FLNB: variants seen among roughly 807,000 people sequenced by gnomAD.
FLNB encodes the protein filamin B, also known as filamin-B.
FLNB carries 111 observed loss-of-function variants against 250.6 expected under a neutral mutation model. The ratio of observed to expected loss-of-function variants is 0.44; its 90% CI spans 0.38 to 0.52. The LOEUF (loss-of-function observed/expected upper bound fraction) is 0.52, where lower values mean the gene tolerates loss of function less well. Among genes scored for constraint, FLNB ranks in the 20% least tolerant of loss-of-function variants. FLNB has a pLI of 0.00. For synonymous variants in FLNB, 1,302 were observed against 1,372.1 expected, an observed-to-expected ratio of 0.95 and a Z score of 1.13; for missense variants, 2,869 against 3,447.8, an observed-to-expected ratio of 0.83 and a Z score of 4.20.
chr3:58,056,357 TC>T (rs11294183), intron 1 of FLNB, among the ~76,000 whole-genome samples: 5,058 of 152,022 alleles, frequency 0.033, 274 homozygotes, highest in African/African-American at 0.12. Context: ...TACCTCGGGC[TC>T]CCAAAGTCCT....
chr3:58,074,565 G>A (rs1235853458), intron 1 of FLNB, among the ~76,000 whole-genome samples: 1 of 152,216 alleles, frequency 6.6e-6, no homozygotes, highest in Non-Finnish European at 1.5e-5. Context: ...GGGAATTTGA[G>A]GAAGTGGGTA....
intron 4 of FLNB, among the ~76,000 whole-genome samples, chr3:58,090,951 G>A (rs2097226063): frequency 6.6e-6 from 1 of 152,050 alleles, no homozygotes; most frequent in Non-Finnish European, 1.5e-5. Flanking sequence ...GGTGGTGGGT[G>A]CCTGTAGTCC....
chr3:58,106,006 T>C (rs1021139930), intron 11 of FLNB, among the ~76,000 whole-genome samples: 1 of 152,226 alleles, frequency 6.6e-6, no homozygotes, highest in African/African-American at 2.4e-5. Flanking sequence ...TATATATGCA[T>C]GCAAATATTG....
Position 58,148,806 on chromosome 3 carries a change from C to T in FLNB, c.6045C>T (p.Gly2015=), listed in dbSNP as rs1476781517. Residue 2015 remains glycine, a synonymous_variant, in exon 36 of 46, where the codon GGC becomes GGT. Coordinates refer to ENST00000295956, the MANE Select transcript of FLNB (RefSeq NM_001457.4). ...AKVYGRGLSE[G]RTFEMSDFIV... Reference sequence around the variant, plus strand: ...TCTATGGCCGCGGCCTGTCAGAAGGCCGGACTTTCGAGATGTCTGACTTCA... The same window carrying T: ...TCTATGGCCGCGGCCTGTCAGAAGGTCGGACTTTCGAGATGTCTGACTTCA... The T allele has an allele frequency of 1.2e-6, 2 of 1,613,802 alleles. No homozygotes were observed. The highest frequency in any genetic ancestry group is 1.7e-6 in the Non-Finnish European group (2 of 1,180,030).
chr3:58,144,254 TTTTA>T (rs1474972679), intron 32 of FLNB, among the ~76,000 whole-genome samples: 1 of 151,934 alleles, frequency 6.6e-6, no homozygotes, highest in Non-Finnish European at 1.5e-5. Flanking sequence ...AGTTTCAGGG[TTTTA>T]TTTTTTATTT....
intron 14 of FLNB, 32 bp from the exon 15 acceptor site, chr3:58,109,544 G>C: frequency 6.2e-7 from 1 of 1,614,122 alleles, no homozygotes; most frequent in Non-Finnish European, 8.5e-7. Flanking sequence ...AAGTGGAGGA[G>C]AACTTGATGA....
rs186392188 is a variant in FLNB at position 58,022,639 on chromosome 3, T to C, written c.292+13783T>C. Among the ~76,000 whole-genome samples the C allele has an allele frequency of 3.9e-5, 6 of 152,316 alleles. No individual in the cohort carries two copies. The East Asian group carries it at 1.2e-3, about 29-fold the overall frequency. ...TTACTAATAGCTATACAAAACATCA[T>C]TGCAATTCTGAGAAGTAGTTATTGT... On this transcript the variant is annotated intron_variant, in intron 1 of 45. Transcript: ENST00000295956.
chr3:58,090,022 G>A (rs1239560759), intron 4 of FLNB, among the ~76,000 whole-genome samples: 1 of 152,068 alleles, frequency 6.6e-6, no homozygotes, highest in Non-Finnish European at 1.5e-5. Flanking sequence ...CCTGACCTTA[G>A]GTGATCCACC....
rs752969452 is a variant in FLNB, at chr3:58,124,354, C to T, written c.3747C>T (p.Thr1249=). 76 of 1,614,052 alleles carry T rather than the reference C, an allele frequency of 4.7e-5. No homozygotes were observed. The highest frequency in any genetic ancestry group is 5.8e-5 in the Non-Finnish European group (68 of 1,180,042). The change falls in exon 22 of 46, where the codon ACC becomes ACT. Residue 1249 remains threonine (T), a synonymous_variant. Coordinates refer to ENST00000295956, the MANE Select transcript of FLNB (RefSeq NM_001457.4). ...CAGATGTGTTCCGGGAAGCTACCAC[C>T]GACTTTACAGTTGACTCTCGGCCGC... is the stretch of plus-strand genomic sequence containing the variant. ...EGKDVFREAT[T]DFTVDSRPLT...
intron 1 of FLNB, among the ~76,000 whole-genome samples, chr3:58,056,899 T>C (rs1457381020): frequency 6.6e-6 from 1 of 152,180 alleles, no homozygotes; most frequent in Non-Finnish European, 1.5e-5. Context: ...ACTAACTCAG[T>C]TATTTAACAA....
At chr3:58,079,345 C>G (rs540304065) in intron 3 of FLNB, among the ~76,000 whole-genome samples, 63 of 151,946 alleles carry the variant, frequency 4.1e-4, no homozygotes, top group Non-Finnish European at 4.7e-4. Context: ...CTCTGCCTCC[C>G]GGGTTCAAGC....
intron 21 of FLNB, among the ~76,000 whole-genome samples, chr3:58,124,043 G>A (rs564706406): frequency 6.6e-6 from 1 of 152,280 alleles, no homozygotes; most frequent in South Asian, 2.1e-4. Flanking sequence ...AGTTTAAAAT[G>A]TAGTGTTGTC....
chr3:58,081,533 A>G (rs2097209230), intron 3 of FLNB, 96 bp from the exon 4 acceptor site: 1 of 1,118,720 alleles, frequency 8.9e-7, no homozygotes, highest in Non-Finnish European at 1.4e-6. Flanking sequence ...CAGTTTCTTA[A>G]TATTTGTAGT....
chr3:58,056,948 A>G (rs2097171533), intron 1 of FLNB, among the ~76,000 whole-genome samples: 1 of 151,930 alleles, frequency 6.6e-6, no homozygotes, highest in African/African-American at 2.4e-5. Flanking sequence ...ATACTTGGAA[A>G]TTCTTGGGAT....
intron 9 of FLNB, 100 bp downstream of exon 9, chr3:58,102,440 C>A: frequency 7.5e-7 from 1 of 1,328,904 alleles, no homozygotes; most frequent in Non-Finnish European, 1.1e-6. Flanking sequence ...CTCAATAATC[C>A]CAGAAGGCTA....
intron 39 of FLNB, chr3:58,154,536 C>T (rs1187823471): frequency 2.4e-6 from 1 of 418,054 alleles, no homozygotes; most frequent in Non-Finnish European, 4.4e-6. Context: ...CAGAGCAAGA[C>T]TCCGTCTCAA....
chr3:58,148,510 G>A (rs928704594), intron 35 of FLNB, 139 bp from the exon 36 acceptor site: 23 of 1,210,356 alleles, frequency 1.9e-5, no homozygotes, highest in South Asian at 7.7e-5. Context: ...ATGCCCAAGC[G>A]TATTTGTGCA....
chr3:58,156,181 A>C (rs1437745679), intron 41 of FLNB, 106 bp downstream of exon 41: 1 of 815,104 alleles, frequency 1.2e-6, no homozygotes. Context: ...GCCCCTTTTC[A>C]CATTTTGACC....
intron 5 of FLNB, among the ~76,000 whole-genome samples, chr3:58,095,776 G>T (rs191004926): frequency 6.6e-6 from 1 of 152,344 alleles, no homozygotes; most frequent in South Asian, 2.1e-4. Flanking sequence ...GGCAGGGATT[G>T]TATCTGACTT....
Sources: allele counts gnomAD v4.1 joint callset (sites outside exome capture counted in the v4.1 genomes callset), GRCh38; gene constraint gnomAD v4.1.1; transcripts MANE v1.5; gene names NCBI Gene and HGNC (gene_info 2026-07-23, HGNC 2026-07-21).